Variants in RNF157 observed in about 807,000 individuals in gnomAD.
The protein encoded by RNF157 is ring finger protein 157, also known as E3 ubiquitin ligase RNF157.
Under a neutral mutation model 88.3 loss-of-function variants are expected in RNF157, and 55 were observed. That is an observed-to-expected ratio of 0.62 (90% confidence interval 0.50 to 0.78). The LOEUF (loss-of-function observed/expected upper bound fraction) is 0.78. RNF157 is among the 30% of genes least tolerant of loss of function. The pLI is 0.00. For synonymous variants in RNF157, 334 were observed against 341.2 expected (o/e 0.98, Z 0.23); for missense variants, 788 against 860.8 (o/e 0.92, Z 1.06).
Position 76,176,932 on chromosome 17 carries a change from G to A in RNF157, c.208-3142C>T, listed in dbSNP as rs554887125. ...CGAGGGTGCCAGGTTCCTGTGCCTCGGGAGGAGGTTCTGCGCAGCCCGTCT... is the reference window on the plus strand; with the variant it reads ...CGAGGGTGCCAGGTTCCTGTGCCTCAGGAGGAGGTTCTGCGCAGCCCGTCT... On this transcript the variant is annotated intron_variant, in intron 2 of 18. Transcript: ENST00000269391. This position sits in a 1 kb window ranked among gnomAD's most constrained non-coding sequence, Gnocchi z 4.2. Among the ~76,000 whole-genome samples the A allele has an allele frequency of 5.3e-5, 8 of 152,256 alleles. No individual in the cohort carries two copies. Among genetic ancestry groups the A allele is most frequent in the South Asian group, 4.1e-4 (2 of 4,834 alleles).
chr17:76,152,224 C>T, intron 18 of RNF157, 131 bp downstream of exon 18: 1 of 669,248 alleles, frequency 1.5e-6, no homozygotes, highest in East Asian at 2.6e-5. Context: ...AACTGGTCTC[C>T]AGCACTAGCA....
intron 3 of RNF157, among the ~76,000 whole-genome samples, chr17:76,168,959 T>G (rs2068970829): frequency 6.6e-6 from 1 of 152,246 alleles, no homozygotes; most frequent in Non-Finnish European, 1.5e-5. Flanking sequence ...TTCCAACTGT[T>G]GATCCTTCTT....
chr17:76,159,114 G>T (rs1206807892), intron 12 of RNF157, among the ~76,000 whole-genome samples: 3 of 152,124 alleles, frequency 2.0e-5, no homozygotes, highest in Admixed American at 6.5e-5. Flanking sequence ...AAGAAAAAAA[G>T]AATACATAAG....
chr17:76,151,168 C>T (rs998554873), intron 18 of RNF157, among the ~76,000 whole-genome samples: 3 of 152,172 alleles, frequency 2.0e-5, no homozygotes, highest in Non-Finnish European at 2.9e-5. Flanking sequence ...CCTGGGCCTG[C>T]GCAGGAGAAG....
intron 2 of RNF157, among the ~76,000 whole-genome samples, chr17:76,187,634 C>T (rs922091232): frequency 7.2e-5 from 11 of 151,984 alleles, no homozygotes; most frequent in Non-Finnish European, 5.9e-5. Flanking sequence ...CACTCTGTCG[C>T]CCAGGCTGGA....
intron 2 of RNF157, among the ~76,000 whole-genome samples, chr17:76,208,594 CAT>C (rs963531551): frequency 4.6e-5 from 7 of 152,136 alleles, no homozygotes; most frequent in Admixed American, 2.0e-4. Context: ...AAAAGAGAAA[CAT>C]GTGGCATTTA....
chr17:76,189,151 G>A (rs952201272), intron 2 of RNF157, among the ~76,000 whole-genome samples: 2 of 152,172 alleles, frequency 1.3e-5, no homozygotes, highest in Non-Finnish European at 2.9e-5. Context: ...AAGGACAATA[G>A]AGGAAAAGCT....
At chr17:76,220,366 AT>A (rs1458325703) in intron 1 of RNF157, among the ~76,000 whole-genome samples, 1 of 147,144 alleles carries the variant, frequency 6.8e-6, no homozygotes, top group Non-Finnish European at 1.5e-5. Context: ...GTCTAAGTCA[AT>A]GAGTTCGTAA....
chr17:76,219,581 G>A lies in RNF157; in HGVS notation c.89-7099C>T, dbSNP rs1431460744. 2.0e-5 allele frequency among the ~76,000 whole-genome samples: 3 copies of A among 152,032 alleles called. No individual in the cohort carries two copies. In the East Asian group the frequency reaches 5.8e-4, roughly 29 times the overall value. Reference sequence around the variant, plus strand: ...ACAGAAGGTAGATTTCTTTGAATACGCATTGCTTTATGTATCTACCACTGG... The same window carrying A: ...ACAGAAGGTAGATTTCTTTGAATACACATTGCTTTATGTATCTACCACTGG... On this transcript the variant is annotated intron_variant, in intron 1 of 18. Coordinates refer to ENST00000269391, the MANE Select transcript of RNF157 (RefSeq NM_052916.3).
chr17:76,202,737 C>T (rs4789251), intron 2 of RNF157: 59,798 of 156,202 alleles, frequency 0.38, 12,897 homozygotes, highest in East Asian at 0.69. Context: ...CCAATCGAGG[C>T]TTCAAACAAG....
At chr17:76,166,877 T>C in intron 5 of RNF157, 132 bp downstream of exon 5, 1 of 668,628 alleles carries the variant, frequency 1.5e-6, no homozygotes, top group South Asian at 1.8e-5. Context: ...AAGGACATGA[T>C]GAAGTCACAA....
In RNF157 at chr17:76,145,006, T is replaced by C; in HGVS notation, c.*229A>G. 2.0e-6 allele frequency: 1 copy of C among 499,890 alleles called. No homozygotes were observed. Among genetic ancestry groups the C allele is most frequent in the African/African-American group, 1.9e-5 (1 of 51,720 alleles). The allele number at this position is 499,890 out of a possible 1,614,324, so 31.0% of individuals were successfully genotyped here. A position where few individuals can be genotyped will look rare whatever the true frequency, so the allele number is the denominator to read the frequency against. Reference sequence around the variant, plus strand: ...TACCGTGAGGACATTCCAGAGTCCCTGCAAAAGGTCTCGTGAGCTGCAGTT... The same window carrying C: ...TACCGTGAGGACATTCCAGAGTCCCCGCAAAAGGTCTCGTGAGCTGCAGTT... On this transcript the variant is annotated 3_prime_UTR_variant, in exon 19 of 19. Transcript: ENST00000269391.
chr17:76,217,513 C>A (rs1423172016), intron 1 of RNF157, among the ~76,000 whole-genome samples: 1 of 152,018 alleles, frequency 6.6e-6, no homozygotes, highest in African/African-American at 2.4e-5. Flanking sequence ...TGGTGCACAG[C>A]TATGTATAGC....
intron 2 of RNF157, among the ~76,000 whole-genome samples, chr17:76,192,875 C>G (rs979292136): frequency 2.7e-5 from 4 of 145,864 alleles, no homozygotes; most frequent in African/African-American, 5.2e-5. Context: ...AGCATCCGCT[C>G]TCTTGCACAG....
At chr17:76,151,943 G>C (rs2068683920) in intron 18 of RNF157, among the ~76,000 whole-genome samples, 1 of 152,172 alleles carries the variant, frequency 6.6e-6, no homozygotes, top group South Asian at 2.1e-4. Flanking sequence ...TTTCTTCTGA[G>C]GAGCTACAGC....
At chr17:76,154,349 T>C (rs766826556) in intron 16 of RNF157, 21 bp from the exon 17 acceptor site, 4 of 1,590,858 alleles carry the variant, frequency 2.5e-6, no homozygotes, top group Non-Finnish European at 3.5e-6. Context: ...AGGAAGGCCC[T>C]GTGAGTCTAT....
intron 1 of RNF157, among the ~76,000 whole-genome samples, chr17:76,233,144 T>A (rs575276038): frequency 3.7e-4 from 57 of 152,186 alleles, no homozygotes; most frequent in African/African-American, 1.3e-3. Context: ...ATGGTCTCGA[T>A]CTCCTGACCT....
At chr17:76,167,549 C>T (rs1027574250) in intron 4 of RNF157, 102 bp downstream of exon 4, 43 of 1,523,486 alleles carry the variant, frequency 2.8e-5, no homozygotes, top group Admixed American at 7.4e-5. Context: ...GGAAGTGGCT[C>T]GCCTGGTCTC....
intron 1 of RNF157, among the ~76,000 whole-genome samples, chr17:76,232,597 T>A (rs980594901): frequency 2.0e-5 from 3 of 152,230 alleles, no homozygotes; most frequent in Non-Finnish European, 4.4e-5. Context: ...GTTTTCATTT[T>A]TTTGGACAGA....
Sources: gnomAD v4.1 joint callset for allele counts (sites outside exome capture counted in the v4.1 genomes callset) on GRCh38, gnomAD v4.1.1 for gene constraint, Gnocchi (gnomAD v3.1) non-coding constraint, MANE v1.5 for transcripts, NCBI Gene and HGNC (gene_info 2026-07-23, HGNC 2026-07-21) for gene names.